The following CRB1 variants were observed in gnomAD, a reference collection of about 807,000 sequenced individuals.
CRB1 encodes protein crumbs homolog 1.
A neutral mutation model predicts 120.0 loss-of-function variants in CRB1; 83 were observed. The ratio of observed to expected loss-of-function variants is 0.69; its 90% CI spans 0.58 to 0.83. The LOEUF (loss-of-function observed/expected upper bound fraction) is 0.83. Ranked by LOEUF, CRB1 falls within the 40% of genes least tolerant of loss-of-function variation. The pLI is 0.00. For synonymous variants in CRB1, 625 were observed against 612.5 expected, an observed-to-expected ratio of 1.02 and a Z score of -0.30; for missense variants, 1,699 against 1,687.6, an observed-to-expected ratio of 1.01 and a Z score of -0.12.
chr1:197,347,724 A>G (rs1248805267), intron 4 of CRB1, among the ~76,000 whole-genome samples: 1 of 152,186 alleles, frequency 6.6e-6, no homozygotes, highest in African/African-American at 2.4e-5. Flanking sequence ...GGAAAAATCA[A>G]TGGAAAGATG....
chr1:197,354,774 T>G (rs1397876069), intron 4 of CRB1, among the ~76,000 whole-genome samples: 3 of 115,420 alleles, frequency 2.6e-5, no homozygotes, highest in Non-Finnish European at 5.2e-5. Context: ...ACGTTGCCAC[T>G]GCTGGCTCCA....
intron 5 of CRB1, among the ~76,000 whole-genome samples, chr1:197,379,308 C>CT (rs776412232): frequency 2.7e-5 from 4 of 150,386 alleles, no homozygotes; most frequent in Non-Finnish European, 4.4e-5. Context: ...CTTTTCTTTC[C>CT]TTTTTTTTTG....
intron 5 of CRB1, chr1:197,364,144 A>C: frequency 1.5e-6 from 1 of 675,462 alleles, no homozygotes; most frequent in Non-Finnish European, 2.4e-6. Context: ...TGAAACCCTC[A>C]TCCAGTTTTG....
At chr1:197,327,120 A>AAAAAAAAAAAAAAAAAAAAC (rs1558055688) in intron 1 of CRB1, among the ~76,000 whole-genome samples, 1 of 71,044 alleles carries the variant, frequency 1.4e-5, no homozygotes. Flanking sequence ...AAAAAAAAAA[A>AAAAAAAAAAAAAAAAAAAAC]AAAAAAAAAA....
At chr1:197,315,930 G>A (rs1265288179) in intron 1 of CRB1, among the ~76,000 whole-genome samples, 1 of 152,156 alleles carries the variant, frequency 6.6e-6, no homozygotes, top group Non-Finnish European at 1.5e-5. Context: ...TAATCTTAGA[G>A]GTGAACTGAG....
intron 4 of CRB1, among the ~76,000 whole-genome samples, chr1:197,348,521 G>C (rs1372847540): frequency 6.6e-6 from 1 of 151,908 alleles, no homozygotes; most frequent in African/African-American, 2.4e-5. Flanking sequence ...CTGTCGCCCA[G>C]GCTGGAATGC....
chr1:197,466,237 T>G (rs1666744788), intron 11 of CRB1, among the ~76,000 whole-genome samples: 1 of 152,220 alleles, frequency 6.6e-6, no homozygotes, highest in South Asian at 2.1e-4. Context: ...GGCTCTGCTC[T>G]GAGGCAGTTC....
chr1:197,454,928 A>C (rs1666202660), intron 11 of CRB1, among the ~76,000 whole-genome samples: 1 of 152,204 alleles, frequency 6.6e-6, no homozygotes, highest in Non-Finnish European at 1.5e-5. Flanking sequence ...GTGCTTTCAA[A>C]GAACTTAGGT....
In CRB1 at chr1:197,300,335, A is replaced by G. The variant is rs151036933; in HGVS notation, c.71-28087A>G. On this transcript the variant is annotated intron_variant, in intron 1 of 11. Coordinates refer to ENST00000367400, the MANE Select transcript of CRB1 (RefSeq NM_201253.3). ...TGTCAATGCAGAGGAAAAGTTCTTG[A>G]AGAAGGTTAAAATTGCTACTCCAGT... Among the ~76,000 whole-genome samples the G allele has an allele frequency of 2.1e-3, 315 of 152,038 alleles. 1 individual carries two copies. Among genetic ancestry groups the G allele is most frequent in the Middle Eastern group, 6.8e-3 (2 of 294 alleles).
At chr1:197,455,866 T>A (rs1185783572) in intron 11 of CRB1, among the ~76,000 whole-genome samples, 1 of 152,140 alleles carries the variant, frequency 6.6e-6, no homozygotes, top group Non-Finnish European at 1.5e-5. Flanking sequence ...AAACACAGGT[T>A]TGTTTCATGT....
chr1:197,317,233 C>G (rs988213885), intron 1 of CRB1, among the ~76,000 whole-genome samples: 6 of 152,130 alleles, frequency 3.9e-5, no homozygotes, highest in African/African-American at 1.2e-4. Context: ...GCCTGACCAA[C>G]ATGGTGAAAC....
intron 7 of CRB1, chr1:197,429,016 A>G: frequency 6.6e-7 from 1 of 1,511,908 alleles, no homozygotes; most frequent in Non-Finnish European, 8.9e-7. Flanking sequence ...GTTGGGATCC[A>G]GAGGACCTAA....
intron 1 of CRB1, among the ~76,000 whole-genome samples, chr1:197,300,728 C>T (rs979954897): frequency 6.6e-6 from 1 of 152,180 alleles, no homozygotes; most frequent in Non-Finnish European, 1.5e-5. Flanking sequence ...GGCAAAACAA[C>T]CTCCTGTTGG....
intron 1 of CRB1, among the ~76,000 whole-genome samples, chr1:197,303,203 A>T (rs989257713): frequency 1.3e-5 from 2 of 151,128 alleles, no homozygotes; most frequent in Middle Eastern, 3.2e-3. Flanking sequence ...ACATATGTAT[A>T]CATGTGCCAT....
chr1:197,392,135 G>A (rs1163842632), intron 5 of CRB1, among the ~76,000 whole-genome samples: 1 of 151,898 alleles, frequency 6.6e-6, no homozygotes, highest in Admixed American at 6.6e-5. Flanking sequence ...GCAATTAGAG[G>A]TACCAGGGTG....
chr1:197,331,106 C>T (rs541858821), intron 2 of CRB1, among the ~76,000 whole-genome samples: 7 of 151,690 alleles, frequency 4.6e-5, no homozygotes, highest in African/African-American at 1.7e-4. Context: ...TGCAGTGAGC[C>T]GAGATCGCGC....
At position 197,328,665 on chromosome 1, in the gene CRB1, C is replaced by CA. The variant is rs773786080; in HGVS notation, c.316dup (p.Ile106AsnfsTer3). The CA allele has an allele frequency of 6.2e-7, 1 of 1,614,080 alleles. No individual in the cohort carries two copies. The highest frequency in any genetic ancestry group is 1.1e-5 in the South Asian group (1 of 91,062). The stretch of plus-strand genomic sequence containing the variant: ...AAATGTCCTCCTGGGTACAGTGGGA[C>CA]AATCTGTGAAACTACCATTGGTTCC... On this transcript the variant is annotated frameshift_variant, in exon 2 of 12. Transcript: ENST00000367400. LOFTEE classifies it high-confidence loss of function.
the CRB1 span, among the ~76,000 whole-genome samples, chr1:197,215,261 G>A: frequency 1.3e-5 from 2 of 148,156 alleles, no homozygotes; most frequent in Non-Finnish European, 3.0e-5. Context: ...GACATGGGAG[G>A]GAGCCAGTGG....
intron 5 of CRB1, among the ~76,000 whole-genome samples, chr1:197,374,923 C>T (rs192600342): frequency 2.0e-5 from 3 of 152,144 alleles, no homozygotes; most frequent in African/African-American, 7.2e-5. Flanking sequence ...TAGAAACAAC[C>T]AAGGCACCAT....
Sources: allele counts gnomAD v4.1 joint callset (sites outside exome capture counted in the v4.1 genomes callset), GRCh38; gene constraint gnomAD v4.1.1; transcripts MANE v1.5; gene names NCBI Gene and HGNC (gene_info 2026-07-23, HGNC 2026-07-21).